DAB2IP: variants seen among roughly 807,000 people sequenced by gnomAD.
The protein encoded by DAB2IP is DAB2 interacting protein.
DAB2IP carries 28 observed loss-of-function variants against 107.2 expected under a neutral mutation model. The ratio of observed to expected loss-of-function variants is 0.26; its 90% CI spans 0.19 to 0.36. DAB2IP has a LOEUF of 0.36. Ranked by LOEUF, DAB2IP falls within the 10% of genes least tolerant of loss-of-function variation. DAB2IP has a pLI of 1.00. For missense variants in DAB2IP, 1,400 were observed against 1,644.7 expected, an observed-to-expected ratio of 0.85 and a Z score of 2.57; for synonymous variants, 755 against 706.4, an observed-to-expected ratio of 1.07 and a Z score of -1.09.
chr9:121,751,105 CT>C, intron 3 of DAB2IP: 1 of 224,702 alleles, frequency 4.5e-6, no homozygotes, highest in Non-Finnish European at 9.0e-6. Flanking sequence ...TGCTGTGGAC[CT>C]TTCCCCCTGC....
chr9:121,738,704 G>A (rs908997056), intron 3 of DAB2IP, among the ~76,000 whole-genome samples: 21 of 152,230 alleles, frequency 1.4e-4, no homozygotes, highest in Non-Finnish European at 2.9e-5. Flanking sequence ...AGGGAGAGAC[G>A]CCATGGGAGG....
chr9:121,573,145 C>T (rs1382749809), intron 1 of DAB2IP, among the ~76,000 whole-genome samples: 3 of 152,212 alleles, frequency 2.0e-5, no homozygotes, highest in South Asian at 2.1e-4. Flanking sequence ...GGCGCAATCT[C>T]GGCTCACTCC....
At chr9:121,705,734 C>T (rs930691010) in intron 3 of DAB2IP, among the ~76,000 whole-genome samples, 2 of 152,206 alleles carry the variant, frequency 1.3e-5, no homozygotes, top group African/African-American at 2.4e-5. Flanking sequence ...CTCTCACCTT[C>T]GGTTACCAGG....
chr9:121,781,409 TC>T, intron 14 of DAB2IP, 54 bp from the exon 15 acceptor site: 1 of 1,570,410 alleles, frequency 6.4e-7, no homozygotes, highest in South Asian at 1.1e-5. Flanking sequence ...TCTCACACCC[TC>T]CCCACCTCTG....
chr9:121,700,366 T>C (rs753927000), intron 3 of DAB2IP, among the ~76,000 whole-genome samples: 1 of 152,152 alleles, frequency 6.6e-6, no homozygotes, highest in South Asian at 2.1e-4. Context: ...CCTCCTCGAG[T>C]GGTGCCAGCC....
intron 1 of DAB2IP, among the ~76,000 whole-genome samples, chr9:121,608,063 G>A (rs1035011272): frequency 2.6e-5 from 4 of 152,242 alleles, no homozygotes; most frequent in Non-Finnish European, 4.4e-5. Flanking sequence ...CTCTGATAGG[G>A]ATCTGCAGGG....
intron 3 of DAB2IP, among the ~76,000 whole-genome samples, chr9:121,756,418 AGAGACTGCTGCATCCCTTCTGCTTC>A (rs1189866619): frequency 6.6e-6 from 1 of 152,214 alleles, no homozygotes; most frequent in African/African-American, 2.4e-5. Flanking sequence ...GGTACTGTGC[AGAGACTGCTGCATCCCTTCTGCTTC>A]GAGACTCGCC....
intron 1 of DAB2IP, among the ~76,000 whole-genome samples, chr9:121,574,015 G>A (rs946626940): frequency 6.6e-6 from 1 of 152,164 alleles, no homozygotes; most frequent in Non-Finnish European, 1.5e-5. Flanking sequence ...AGACTCAGCT[G>A]TGGGACAGGG....
chr9:121,586,248 G>A (rs529192860), intron 1 of DAB2IP, among the ~76,000 whole-genome samples: 50 of 152,272 alleles, frequency 3.3e-4, no homozygotes, highest in Non-Finnish European at 3.4e-4. Context: ...TATGATTACC[G>A]AACACAGCCA....
intron 6 of DAB2IP, among the ~76,000 whole-genome samples, chr9:121,761,626 C>T (rs994917322): frequency 1.2e-4 from 19 of 152,146 alleles, no homozygotes; most frequent in Admixed American, 4.6e-4. Context: ...AGGGCTGGGG[C>T]GGGGACCTCC....
At chr9:121,582,632 A>G (rs1830225066) in intron 1 of DAB2IP, among the ~76,000 whole-genome samples, 1 of 151,458 alleles carries the variant, frequency 6.6e-6, no homozygotes, top group Non-Finnish European at 1.5e-5. Context: ...ACCTCGTCCC[A>G]CTCCTGATAG....
intron 14 of DAB2IP, among the ~76,000 whole-genome samples, chr9:121,779,050 A>G (rs1318128466): frequency 6.6e-6 from 1 of 151,894 alleles, no homozygotes; most frequent in East Asian, 1.9e-4. Context: ...CCCGTATCTC[A>G]CTGATGCTCT....
At chr9:121,773,565 T>C (rs2119014547) in intron 12 of DAB2IP, 70 bp downstream of exon 12, 1 of 1,352,194 alleles carries the variant, frequency 7.4e-7, no homozygotes, top group Non-Finnish European at 9.5e-7. Flanking sequence ...CCCCATACCA[T>C]GCTCCTCCTC....
At position 121,772,570 on chromosome 9, in the gene DAB2IP, TCCCCTTCTTTC is replaced by T. The variant is rs776624238; in HGVS notation, c.2079-34_2079-24del. 6.3e-7 allele frequency: 1 copy of T among 1,577,798 alleles called. No homozygotes were observed. The highest frequency in any genetic ancestry group is 8.6e-7 in the Non-Finnish European group (1 of 1,159,522). On this transcript the variant is annotated intron_variant, in intron 11 of 15. Transcript: ENST00000408936. The surrounding 1 kb of genome is among the most constrained non-coding windows in gnomAD (Gnocchi z 4.7). Reference sequence around the variant, plus strand: ...TTGGCTGCACTCACAGTTCTTCTTTTCCCCTTCTTTCCCTGTGTGTGCTTGTCTCCCTGCAG... The same window carrying T: ...TTGGCTGCACTCACAGTTCTTCTTTTCCTGTGTGTGCTTGTCTCCCTGCAG...
intron 1 of DAB2IP, among the ~76,000 whole-genome samples, chr9:121,588,159 C>A (rs1269346461): frequency 6.6e-6 from 1 of 152,150 alleles, no homozygotes; most frequent in East Asian, 1.9e-4. Flanking sequence ...TAGCGGCAAA[C>A]CTTACTTCTG....
At chr9:121,583,910 G>T (rs1338667316) in intron 1 of DAB2IP, among the ~76,000 whole-genome samples, 1 of 152,198 alleles carries the variant, frequency 6.6e-6, no homozygotes, top group South Asian at 2.1e-4. Context: ...CAGGCGTGGT[G>T]GCTCATGCCT....
chr9:121,573,681 C>T (rs1830000244), intron 1 of DAB2IP, among the ~76,000 whole-genome samples: 1 of 152,090 alleles, frequency 6.6e-6, no homozygotes, highest in South Asian at 2.1e-4. Context: ...CTGCATCTGG[C>T]CTACATTGTC....
At chr9:121,727,427 T>TAG (rs1466508411) in intron 3 of DAB2IP, among the ~76,000 whole-genome samples, 2 of 152,236 alleles carry the variant, frequency 1.3e-5, no homozygotes, top group Non-Finnish European at 2.9e-5. Flanking sequence ...TGCCTACACA[T>TAG]AGAGGCGCCA....
At chr9:121,594,244 T>C (rs1830480768) in intron 1 of DAB2IP, among the ~76,000 whole-genome samples, 1 of 151,602 alleles carries the variant, frequency 6.6e-6, no homozygotes, top group African/African-American at 2.4e-5. Flanking sequence ...CATTTTTTTT[T>C]TTTTTTTTTG....
Sources: allele counts gnomAD v4.1 joint callset (sites outside exome capture counted in the v4.1 genomes callset), GRCh38; gene constraint gnomAD v4.1.1; non-coding constraint Gnocchi (gnomAD v3.1); transcripts MANE v1.5; gene names NCBI Gene and HGNC (gene_info 2026-07-23, HGNC 2026-07-21).